ARSB: variants seen among roughly 807,000 people sequenced by gnomAD.
ARSB encodes arylsulfatase B.
Under a neutral mutation model 50.9 loss-of-function variants are expected in ARSB, and 41 were observed. The observed-to-expected ratio is 0.81, with a 90% CI of 0.63 to 1.04. The LOEUF (loss-of-function observed/expected upper bound fraction) is 1.04. Among genes scored for constraint, ARSB ranks in the 50% least tolerant of loss-of-function variants. ARSB has a pLI of 0.00. For missense variants in ARSB, 672 were observed against 693.3 expected (o/e 0.97, Z 0.35); for synonymous variants, 269 against 284.8 (o/e 0.94, Z 0.56).
chr5:78,976,033 T>C (rs1752646350), intron 1 of ARSB, among the ~76,000 whole-genome samples: 1 of 152,140 alleles, frequency 6.6e-6, no homozygotes, highest in Admixed American at 6.5e-5. Context: ...AGCTGGAGAA[T>C]TTTTAAATTA....
chr5:78,941,437 T>C (rs957572568), intron 4 of ARSB, among the ~76,000 whole-genome samples: 3 of 152,238 alleles, frequency 2.0e-5, no homozygotes, highest in Non-Finnish European at 4.4e-5. Context: ...ATAGCTCTTA[T>C]TCTTTTGAGA....
chr5:78,846,342 T>C (rs1745439026), intron 5 of ARSB, among the ~76,000 whole-genome samples: 1 of 152,154 alleles, frequency 6.6e-6, no homozygotes, highest in Non-Finnish European at 1.5e-5. Flanking sequence ...GTTCTTTTCA[T>C]TCAGGATTGC....
At chr5:78,958,261 G>A (rs1751823656) in intron 3 of ARSB, among the ~76,000 whole-genome samples, 1 of 152,040 alleles carries the variant, frequency 6.6e-6, no homozygotes, top group African/African-American at 2.4e-5. Flanking sequence ...TGGGGAGAGA[G>A]GGGGCCCACA....
intron 5 of ARSB, among the ~76,000 whole-genome samples, chr5:78,851,812 T>TA (rs1454752052): frequency 1.3e-5 from 2 of 152,194 alleles, no homozygotes; most frequent in African/African-American, 2.4e-5. Context: ...TACCATTATG[T>TA]AATGGCCTTC....
intron 6 of ARSB, among the ~76,000 whole-genome samples, chr5:78,822,108 T>C (rs1267360504): frequency 6.6e-6 from 1 of 152,188 alleles, no homozygotes; most frequent in African/African-American, 2.4e-5. Flanking sequence ...GAAAAAGAGA[T>C]TTTTTCTTAT....
chr5:78,959,410 C>A (rs1002493312), intron 3 of ARSB, among the ~76,000 whole-genome samples: 2 of 151,632 alleles, frequency 1.3e-5, no homozygotes, highest in African/African-American at 4.8e-5. Flanking sequence ...TTCTTTATAA[C>A]AGCGTGAGAA....
At chr5:78,890,163 G>C (rs1748221713) in intron 4 of ARSB, among the ~76,000 whole-genome samples, 2 of 151,874 alleles carry the variant, frequency 1.3e-5, no homozygotes, top group South Asian at 4.2e-4. Context: ...TAAAGGATTC[G>C]GTAAATTCAA....
chr5:78,862,711 A>G (rs1005221648), intron 5 of ARSB, among the ~76,000 whole-genome samples: 5 of 152,246 alleles, frequency 3.3e-5, no homozygotes, highest in Non-Finnish European at 7.3e-5. Flanking sequence ...CTTCACGTCT[A>G]AAACACCAAA....
intron 4 of ARSB, among the ~76,000 whole-genome samples, chr5:78,929,394 CA>C (rs1750209299): frequency 2.0e-5 from 3 of 152,130 alleles, no homozygotes; most frequent in Admixed American, 2.0e-4. Flanking sequence ...AGGAAATCTC[CA>C]CACCACACAC....
chr5:78,959,011 T>C (rs1580127693), intron 3 of ARSB, among the ~76,000 whole-genome samples: 1 of 152,202 alleles, frequency 6.6e-6, no homozygotes, highest in Admixed American at 6.5e-5. Context: ...GTGATATGGT[T>C]TGGCTGTGTC....
At chr5:78,984,830 C>A in intron 1 of ARSB, 107 bp downstream of exon 1, 1 of 945,920 alleles carries the variant, frequency 1.1e-6, no homozygotes, top group Non-Finnish European at 1.3e-6. Context: ...GGTCGGCGGT[C>A]CGAGCCCCGC....
At chr5:78,952,858 C>G (rs1416837845) in intron 4 of ARSB, among the ~76,000 whole-genome samples, 1 of 152,178 alleles carries the variant, frequency 6.6e-6, no homozygotes, top group Non-Finnish European at 1.5e-5. Context: ...ACTTCCAATT[C>G]TTGCAACAAT....
chr5:78,902,091 G>A lies in ARSB; in HGVS notation c.899-16264C>T, dbSNP rs185231394. Among the ~76,000 whole-genome samples, 7 of 152,384 alleles carry A rather than the reference G, an allele frequency of 4.6e-5. No homozygotes were observed. In the East Asian group the frequency reaches 1.2e-3, roughly 25 times the overall value. On this transcript the variant is annotated intron_variant, in intron 4 of 7. Coordinates refer to ENST00000264914, the MANE Select transcript of ARSB (RefSeq NM_000046.5). ...TAAGAACATGGTGCTGGCACCAGGT[G>A]AGGGCCTTCATGTGGTGTCATAACA...
In ARSB at chr5:78,777,466, A is replaced by G. The variant is rs879546741; in HGVS notation, c.*2931T>C. 1 of 152,602 alleles carries G rather than the reference A, an allele frequency of 6.6e-6. No homozygotes were observed. Among genetic ancestry groups the G allele is most frequent in the Non-Finnish European group, 1.5e-5 (1 of 68,050 alleles). The allele number at this position is 152,602 out of a possible 1,614,324, so 9.5% of individuals were successfully genotyped here. ...CCATACATATGGCTGACACATTTTA[A>G]AAGATTAATTTTATTTTGTCCCCCA... On this transcript the variant is annotated 3_prime_UTR_variant, in exon 8 of 8. Coordinates refer to ENST00000264914, the MANE Select transcript of ARSB (RefSeq NM_000046.5).
chr5:78,913,175 A>C (rs1749383197), intron 4 of ARSB, among the ~76,000 whole-genome samples: 1 of 147,382 alleles, frequency 6.8e-6, no homozygotes, highest in Non-Finnish European at 1.5e-5. Flanking sequence ...CCCAGGCTGG[A>C]GTGCAGTGGC....
At chr5:78,780,773 A>G in intron 7 of ARSB, 111 bp from the exon 8 acceptor site, 1 of 1,315,192 alleles carries the variant, frequency 7.6e-7, no homozygotes, top group Non-Finnish European at 1.1e-6. Context: ...GTGGAAACAT[A>G]AAAAGATGCG....
chr5:78,853,177 C>T (rs888655330), intron 5 of ARSB, among the ~76,000 whole-genome samples: 1 of 152,170 alleles, frequency 6.6e-6, no homozygotes, highest in African/African-American at 2.4e-5. Context: ...TTTTCCCCAT[C>T]TTTGTGGCTT....
chr5:78,839,561 T>A, intron 5 of ARSB, 135 bp from the exon 6 acceptor site: 1 of 795,110 alleles, frequency 1.3e-6, no homozygotes, highest in Admixed American at 2.1e-5. Flanking sequence ...TTTGGAGGTC[T>A]CCACAATCAC....
chr5:78,938,659 A>G (rs1335369493), intron 4 of ARSB, among the ~76,000 whole-genome samples: 1 of 152,234 alleles, frequency 6.6e-6, no homozygotes, highest in Non-Finnish European at 1.5e-5. Context: ...GCATAAGTAT[A>G]TTTAAAACCT....
Sources: allele counts gnomAD v4.1 joint callset (sites outside exome capture counted in the v4.1 genomes callset), GRCh38; gene constraint gnomAD v4.1.1; transcripts MANE v1.5; gene names NCBI Gene and HGNC (gene_info 2026-07-23, HGNC 2026-07-21).